The following ATP8B4 variants were observed in gnomAD, a reference collection of about 807,000 sequenced individuals.
ATP8B4 encodes ATPase phospholipid transporting 8B4 (putative).
A neutral mutation model predicts 145.6 loss-of-function variants in ATP8B4; 133 were observed. That is an observed-to-expected ratio of 0.91 (90% confidence interval 0.79 to 1.05). The LOEUF is 1.05. Among genes scored for constraint, ATP8B4 ranks in the 50% least tolerant of loss-of-function variants. The pLI is 0.00. For synonymous variants in ATP8B4, 507 were observed against 492.9 expected (o/e 1.03, Z -0.38); for missense variants, 1,458 against 1,425.2 (o/e 1.02, Z -0.37).
intron 7 of ATP8B4, chr15:50,009,171 G>A (rs990598893): frequency 6.6e-6 from 1 of 152,138 alleles, no homozygotes; most frequent in Admixed American, 6.6e-5. Context: ...CTTAGACAAA[G>A]AACCCTGAAT....
chr15:50,026,677 C>A (rs1035809386), intron 6 of ATP8B4, among the ~76,000 whole-genome samples: 10 of 152,178 alleles, frequency 6.6e-5, no homozygotes, highest in African/African-American at 2.4e-4. Flanking sequence ...AAACTCAAGT[C>A]CTTGGTCCTC....
chr15:49,987,862 A>T (rs1015672035), intron 9 of ATP8B4, among the ~76,000 whole-genome samples: 6 of 152,224 alleles, frequency 3.9e-5, no homozygotes, highest in African/African-American at 1.4e-4. Context: ...TTTGTAACAA[A>T]TAATTTTTGA....
At chr15:50,170,668 G>T (rs1320877691) in intron 1 of ATP8B4, among the ~76,000 whole-genome samples, 3 of 151,814 alleles carry the variant, frequency 2.0e-5, no homozygotes, top group African/African-American at 4.8e-5. Flanking sequence ...AAGTACACAG[G>T]CAACAAAGAG....
At chr15:50,164,238 G>A (rs2044563812) in intron 1 of ATP8B4, among the ~76,000 whole-genome samples, 2 of 152,136 alleles carry the variant, frequency 1.3e-5, no homozygotes, top group Admixed American at 1.3e-4. Context: ...AATGTGTTGG[G>A]TTACACCTGA....
At chr15:50,045,772 A>G (rs1286658798) in intron 4 of ATP8B4, among the ~76,000 whole-genome samples, 4 of 152,210 alleles carry the variant, frequency 2.6e-5, no homozygotes, top group African/African-American at 9.7e-5. Flanking sequence ...GTTAGACTGA[A>G]CCATCCCAAA....
chr15:49,913,323 A>G (rs984197451), intron 20 of ATP8B4, among the ~76,000 whole-genome samples: 6 of 152,186 alleles, frequency 3.9e-5, no homozygotes, highest in African/African-American at 1.4e-4. Context: ...GATAAAATTC[A>G]ACATCCCTTC....
intron 1 of ATP8B4, among the ~76,000 whole-genome samples, chr15:50,172,831 C>G (rs2140871888): frequency 6.6e-6 from 1 of 151,880 alleles, no homozygotes; most frequent in East Asian, 1.9e-4. Flanking sequence ...TCTGCCCCGC[C>G]ACCACCCCGT....
chr15:49,931,453 C>A, intron 15 of ATP8B4, 146 bp from the exon 16 acceptor site: 1 of 725,136 alleles, frequency 1.4e-6, no homozygotes, highest in Non-Finnish European at 2.2e-6. Context: ...TTCTACTCAC[C>A]AACAGCTCAA....
At position 49,920,558 on chromosome 15, in the gene ATP8B4, A is replaced by G. The variant is rs186872437; in HGVS notation, c.1759-148T>C. The G allele has an allele frequency of 7.9e-5, 71 of 895,446 alleles. 1 individual carries two copies. The highest frequency in any genetic ancestry group is 5.7e-4 in the African/African-American group (34 of 59,212). The allele number at this position is 895,446 out of a possible 1,614,324, so 55.5% of individuals were successfully genotyped here. A position where few individuals can be genotyped will look rare whatever the true frequency, so the allele number is the denominator to read the frequency against. On this transcript the variant is annotated intron_variant, in intron 17 of 27. Coordinates refer to ENST00000284509, the MANE Select transcript of ATP8B4 (RefSeq NM_024837.4). ...GGCTATCCTTACTCTCAACTTTTTAATCTCCTCAGAAATGGGAGATAATGT... is the reference window on the plus strand; with the variant it reads ...GGCTATCCTTACTCTCAACTTTTTAGTCTCCTCAGAAATGGGAGATAATGT...
At chr15:49,996,947 G>T (rs557353964) in intron 8 of ATP8B4, among the ~76,000 whole-genome samples, 188 bp from the exon 9 acceptor site, 12 of 152,216 alleles carry the variant, frequency 7.9e-5, no homozygotes, top group African/African-American at 2.9e-4. Context: ...GCTCCAAAGA[G>T]TTGGCATTCT....
rs1184701512 is a variant in ATP8B4 at position 50,087,003 on chromosome 15, A to G, written c.29-12818T>C. 2.7e-5 allele frequency among the ~76,000 whole-genome samples: 3 copies of G among 112,344 alleles called. No homozygotes were observed. The East Asian group carries it at 8.4e-4, about 31-fold the overall frequency. The allele number at this position is 112,344 out of a possible 152,430, so 73.7% of individuals were successfully genotyped here. The stretch of plus-strand genomic sequence containing the variant: ...TATTTATTATATATAATAAAATAAT[A>G]TAGAGATCTATATTATTATATATAA... On this transcript the variant is annotated intron_variant, in intron 2 of 27. Transcript: ENST00000284509.
At chr15:50,047,569 G>C in intron 3 of ATP8B4, 105 bp from the exon 4 acceptor site, 1 of 729,516 alleles carries the variant, frequency 1.4e-6, no homozygotes, top group East Asian at 2.7e-5. Flanking sequence ...AGATAAGCCG[G>C]TTATCTAGGA....
chr15:49,882,171 G>A (rs2035526877), intron 23 of ATP8B4, among the ~76,000 whole-genome samples: 1 of 152,010 alleles, frequency 6.6e-6, no homozygotes, highest in South Asian at 2.1e-4. Flanking sequence ...ACTACTGAAG[G>A]CACAGCTCAA....
intron 1 of ATP8B4, among the ~76,000 whole-genome samples, chr15:50,142,829 G>C (rs2044229935): frequency 6.6e-6 from 1 of 152,168 alleles, no homozygotes; most frequent in South Asian, 2.1e-4. Context: ...GGGAGGGAGA[G>C]GCAAAGCCAA....
chr15:49,946,627 C>T (rs56061666), intron 14 of ATP8B4, among the ~76,000 whole-genome samples: 33,394 of 151,846 alleles, frequency 0.22, 4,858 homozygotes, highest in Non-Finnish European at 0.31. Context: ...AATCTCTCTG[C>T]CTGACTCTTC....
intron 3 of ATP8B4, among the ~76,000 whole-genome samples, chr15:50,069,693 T>G (rs10152376): frequency 0.42 from 63,252 of 152,012 alleles, 13,584 homozygotes; most frequent in African/African-American, 0.53. Context: ...TGGTTGATTG[T>G]TTTTTTGTTT....
intron 14 of ATP8B4, among the ~76,000 whole-genome samples, chr15:49,949,572 A>G (rs530129319): frequency 2.4e-4 from 37 of 152,306 alleles, no homozygotes; most frequent in Admixed American, 7.8e-4. Flanking sequence ...TTTTGTGCTG[A>G]GACGATGGGG....
chr15:49,953,189 G>A lies in ATP8B4; in HGVS notation c.1287+8788C>T, dbSNP rs143071159. 8.7e-4 allele frequency among the ~76,000 whole-genome samples: 133 copies of A among 152,088 alleles called. 1 individual carries two copies. The highest frequency in any genetic ancestry group is 3.1e-3 in the African/African-American group (127 of 41,492). On this transcript the variant is annotated intron_variant, in intron 14 of 27. Transcript: ENST00000284509. Reference sequence around the variant, plus strand: ...CCTGTTGAAGGGTCTCGCCCAGCTGGGTGGCATGGGGAGCAGGACCCATTT... The same window carrying A: ...CCTGTTGAAGGGTCTCGCCCAGCTGAGTGGCATGGGGAGCAGGACCCATTT...
intron 14 of ATP8B4, among the ~76,000 whole-genome samples, chr15:49,953,337 G>C (rs1281401961): frequency 6.6e-6 from 1 of 152,186 alleles, no homozygotes; most frequent in African/African-American, 2.4e-5. Flanking sequence ...GGTGCGCAGA[G>C]ACTGCGGCCA....
Sources: allele counts gnomAD v4.1 joint callset (sites outside exome capture counted in the v4.1 genomes callset), GRCh38; gene constraint gnomAD v4.1.1; transcripts MANE v1.5; gene names NCBI Gene and HGNC (gene_info 2026-07-23, HGNC 2026-07-21).